FBXO34: variants seen among roughly 807,000 people sequenced by gnomAD.
FBXO34 encodes the protein F-box only protein 34.
A neutral mutation model predicts 24.5 loss-of-function variants in FBXO34; 12 were observed. The ratio of observed to expected loss-of-function variants is 0.49; its 90% CI spans 0.31 to 0.79. The LOEUF (loss-of-function observed/expected upper bound fraction) is 0.79, where lower values mean the gene tolerates loss of function less well. FBXO34 is among the 30% of genes least tolerant of loss of function. The pLI, the probability that FBXO34 is intolerant of heterozygous loss-of-function variation, is 0.04. For synonymous variants in FBXO34, 320 were observed against 311.9 expected, an observed-to-expected ratio of 1.03 and a Z score of -0.27; for missense variants, 823 against 857.7, an observed-to-expected ratio of 0.96 and a Z score of 0.51.
intron 1 of FBXO34, among the ~76,000 whole-genome samples, chr14:55,326,677 G>C (rs1237317292): frequency 6.6e-6 from 1 of 152,168 alleles, no homozygotes; most frequent in Non-Finnish European, 1.5e-5. Flanking sequence ...AAGAGTCCAG[G>C]AAAATCAAAG....
intron 1 of FBXO34, among the ~76,000 whole-genome samples, chr14:55,322,097 C>T (rs111656688): frequency 0.058 from 8,829 of 151,592 alleles, 326 homozygotes; most frequent in South Asian, 0.09. Flanking sequence ...CTGAGGCGAG[C>T]GGATCACGAG....
chr14:55,376,777 C>A, the FBXO34 span, among the ~76,000 whole-genome samples: 1 of 152,130 alleles, frequency 6.6e-6, no homozygotes, highest in Admixed American at 6.5e-5. Flanking sequence ...AAATATATAA[C>A]CATATCACAT....
the FBXO34 span, among the ~76,000 whole-genome samples, chr14:55,427,650 C>T: frequency 6.6e-6 from 1 of 151,794 alleles, no homozygotes; most frequent in African/African-American, 2.4e-5. Flanking sequence ...GGTTTGGTGT[C>T]CATGAGTCAC....
the FBXO34 span, chr14:55,411,694 G>A: frequency 4.3e-6 from 7 of 1,613,030 alleles, no homozygotes; most frequent in East Asian, 6.7e-5. Flanking sequence ...TGCACAGCGG[G>A]CAGCGCTCCA....
At chr14:55,413,006 C>T in the FBXO34 span, among the ~76,000 whole-genome samples, 1 of 152,166 alleles carries the variant, frequency 6.6e-6, no homozygotes, top group Admixed American at 6.5e-5. Flanking sequence ...TGAATCTGAG[C>T]CCTTTGCTCC....
downstream of FBXO34, among the ~76,000 whole-genome samples, chr14:55,371,602 C>A (rs751538956): frequency 6.6e-6 from 1 of 151,956 alleles, no homozygotes; most frequent in Admixed American, 6.6e-5. Flanking sequence ...GTCAGGAGAT[C>A]GAGACCATTG....
the FBXO34 span, among the ~76,000 whole-genome samples, chr14:55,385,269 A>G: frequency 0.56 from 84,638 of 151,888 alleles, 26,573 homozygotes; most frequent in African/African-American, 0.87. Flanking sequence ...GCCCAATACC[A>G]CCCATCAGAT....
intron 1 of FBXO34, among the ~76,000 whole-genome samples, chr14:55,272,724 C>T (rs1881198353): frequency 6.6e-6 from 1 of 151,926 alleles, no homozygotes; most frequent in African/African-American, 2.4e-5. Context: ...CCCTATCCCA[C>T]CCTATGGTAC....
At chr14:55,344,587 G>A (rs1410550008) in intron 1 of FBXO34, among the ~76,000 whole-genome samples, 1 of 149,554 alleles carries the variant, frequency 6.7e-6, no homozygotes, top group East Asian at 2.0e-4. Flanking sequence ...GGATACATGT[G>A]CAGAATTTGC....
chr14:55,366,029 C>A (rs1295541137), downstream of FBXO34, among the ~76,000 whole-genome samples: 1 of 152,192 alleles, frequency 6.6e-6, no homozygotes, highest in Non-Finnish European at 1.5e-5. Flanking sequence ...CCCTTTTCCT[C>A]TTGTCCTGAA....
At chr14:55,375,677 T>C in the FBXO34 span, among the ~76,000 whole-genome samples, 20 of 152,146 alleles carry the variant, frequency 1.3e-4, no homozygotes, top group South Asian at 4.2e-3. Flanking sequence ...CTTAGTTCTC[T>C]TGGATATCCA....
At chr14:55,329,468 A>G (rs1025444944) in intron 1 of FBXO34, among the ~76,000 whole-genome samples, 10 of 152,218 alleles carry the variant, frequency 6.6e-5, no homozygotes, top group Non-Finnish European at 1.5e-4. Context: ...TCACCTGAAG[A>G]AAGTGTGTAA....
At chr14:55,405,150 T>C in the FBXO34 span, among the ~76,000 whole-genome samples, 1 of 152,208 alleles carries the variant, frequency 6.6e-6, no homozygotes, top group African/African-American at 2.4e-5. Flanking sequence ...TGTCTACCTG[T>C]AGAGCTTTTG....
At chr14:55,327,166 C>T (rs185170100) in intron 1 of FBXO34, among the ~76,000 whole-genome samples, 4 of 152,192 alleles carry the variant, frequency 2.6e-5, no homozygotes, top group South Asian at 2.1e-4. Flanking sequence ...AAGAGTGACA[C>T]GGGTAAATAT....
chr14:55,427,489 T>C, the FBXO34 span, among the ~76,000 whole-genome samples: 1 of 152,176 alleles, frequency 6.6e-6, no homozygotes, highest in African/African-American at 2.4e-5. Context: ...CTATCTACTC[T>C]ATTGACGGGA....
intron 1 of FBXO34, among the ~76,000 whole-genome samples, chr14:55,340,506 C>T (rs1201646058): frequency 1.3e-5 from 2 of 152,016 alleles, no homozygotes; most frequent in Non-Finnish European, 2.9e-5. Context: ...CTTGGTATCC[C>T]AAAGTGCTGG....
downstream of FBXO34, among the ~76,000 whole-genome samples, chr14:55,354,795 T>C (rs944326558): frequency 2.0e-5 from 3 of 152,156 alleles, no homozygotes; most frequent in African/African-American, 7.2e-5. Context: ...ATGCTGTTCT[T>C]CAGGGCCCCC....
chr14:55,387,917 C>T, the FBXO34 span, among the ~76,000 whole-genome samples: 1 of 152,186 alleles, frequency 6.6e-6, no homozygotes, highest in African/African-American at 2.4e-5. Flanking sequence ...CCGCCTCGGC[C>T]TCCCAAAGTG....
chr14:55,285,887 T>G (rs1881744947), intron 1 of FBXO34, among the ~76,000 whole-genome samples: 1 of 152,214 alleles, frequency 6.6e-6, no homozygotes, highest in Admixed American at 6.5e-5. Context: ...AGTGTTAAGA[T>G]TTTGGACTCT....
Sources: gnomAD v4.1 joint callset for allele counts (sites outside exome capture counted in the v4.1 genomes callset) on GRCh38, gnomAD v4.1.1 for gene constraint, MANE v1.5 for transcripts, NCBI Gene and HGNC (gene_info 2026-07-23, HGNC 2026-07-21) for gene names.